Variants in BLTP1 observed in about 807,000 individuals in gnomAD.
The protein encoded by BLTP1 is fragile site-associated protein.
chr4:122,251,291 TG>T, the BLTP1 span: 1 of 979,142 alleles, frequency 1.0e-6, no homozygotes, highest in Non-Finnish European at 1.2e-6. Flanking sequence ...CTTAAACGTA[TG>T]TACATATATT....
the BLTP1 span, chr4:122,276,130 G>A: frequency 1.0e-6 from 1 of 991,034 alleles, no homozygotes; most frequent in Non-Finnish European, 1.4e-6. Flanking sequence ...TTATTGTTTT[G>A]TAGCTGTAAT....
At chr4:122,173,545 G>A in the BLTP1 span, among the ~76,000 whole-genome samples, 153 of 152,244 alleles carry the variant, frequency 1.0e-3, 3 homozygotes, top group East Asian at 0.027. Flanking sequence ...GTTAAAATGA[G>A]AATTAAGTTT....
At chr4:122,179,400 A>G in the BLTP1 span, among the ~76,000 whole-genome samples, 22 of 152,314 alleles carry the variant, frequency 1.4e-4, no homozygotes, top group African/African-American at 5.3e-4. Context: ...ACCTGCATTA[A>G]TAATATTCCA....
the BLTP1 span, chr4:122,341,627 A>T: frequency 1.1e-6 from 1 of 927,888 alleles, no homozygotes; most frequent in Non-Finnish European, 1.3e-6. Flanking sequence ...AATGAATAGC[A>T]CCCCTCATTT....
the BLTP1 span, chr4:122,325,715 T>C: frequency 1.2e-6 from 1 of 864,742 alleles, no homozygotes; most frequent in Middle Eastern, 3.5e-4. Context: ...GAAGATCAGC[T>C]TCAAAGTTGT....
the BLTP1 span, chr4:122,288,693 A>AATC: frequency 1.6e-4 from 40 of 255,506 alleles, no homozygotes; most frequent in African/African-American, 9.9e-4. Flanking sequence ...ATAAATAAAT[A>AATC]AATCTATTTT....
chr4:122,308,400 C>A, the BLTP1 span, among the ~76,000 whole-genome samples: 2 of 151,830 alleles, frequency 1.3e-5, no homozygotes, highest in African/African-American at 4.8e-5. Context: ...GATTGATACC[C>A]CCCAGATAAC....
chr4:122,263,525 A>G, the BLTP1 span: 7 of 1,613,360 alleles, frequency 4.3e-6, no homozygotes, highest in South Asian at 4.4e-5. Context: ...TTGGATGTCA[A>G]ATGCTGTGGG....
chr4:122,305,744 A>G, the BLTP1 span: 1 of 1,354,508 alleles, frequency 7.4e-7, no homozygotes, highest in Non-Finnish European at 9.7e-7. Context: ...AGTATAAGGA[A>G]TATACATTAA....
At chr4:122,268,673 T>C in the BLTP1 span, among the ~76,000 whole-genome samples, 1 of 152,202 alleles carries the variant, frequency 6.6e-6, no homozygotes. Context: ...TTAGTTTCTT[T>C]GCTGCATTTT....
chr4:122,248,482 T>C, the BLTP1 span, among the ~76,000 whole-genome samples: 3 of 152,080 alleles, frequency 2.0e-5, no homozygotes, highest in Non-Finnish European at 2.9e-5. Flanking sequence ...TAATATTTGT[T>C]ACCCTTATAG....
chr4:122,326,770 T>C, the BLTP1 span, among the ~76,000 whole-genome samples: 2 of 151,794 alleles, frequency 1.3e-5, no homozygotes, highest in African/African-American at 4.8e-5. Context: ...TTTCTAATCA[T>C]AAATTAGAAA....
At chr4:122,271,976 T>C in the BLTP1 span, 2 of 311,366 alleles carry the variant, frequency 6.4e-6, no homozygotes, top group Non-Finnish European at 9.4e-6. Flanking sequence ...TATCTGGCTC[T>C]ACTATTCACT....
the BLTP1 span, chr4:122,254,946 A>G: frequency 6.2e-7 from 1 of 1,607,282 alleles, no homozygotes; most frequent in South Asian, 1.1e-5. Context: ...TAATGACAGA[A>G]GCATTAGAGG....
chr4:122,210,872 CTTAAT>C, the BLTP1 span: 1 of 1,568,102 alleles, frequency 6.4e-7, no homozygotes, highest in African/African-American at 1.4e-5. Flanking sequence ...TCTTTTTTTT[CTTAAT>C]TTATTACAGT....
chr4:122,154,113 GTAAGTATTTTTGGC>G, the BLTP1 span: 3 of 978,656 alleles, frequency 3.1e-6, no homozygotes, highest in Non-Finnish European at 3.6e-6. Flanking sequence ...AAAAACTTGG[GTAAGTATTTTTGGC>G]TAAGTTTTAA....
At chr4:122,330,984 T>A in the BLTP1 span, 13 of 975,534 alleles carry the variant, frequency 1.3e-5, no homozygotes, top group African/African-American at 1.8e-5. Flanking sequence ...TTCCTTGTTG[T>A]TCTGTCTTTA....
the BLTP1 span, among the ~76,000 whole-genome samples, chr4:122,163,004 T>TTAACTCTCTG: frequency 6.6e-6 from 1 of 152,204 alleles, no homozygotes; most frequent in Non-Finnish European, 1.5e-5. Flanking sequence ...TTAAATATTG[T>TTAACTCTCTG]GCGCCTTCAG....
At chr4:122,251,763 TTTC>T in the BLTP1 span, 6 of 244,020 alleles carry the variant, frequency 2.5e-5, no homozygotes, top group East Asian at 9.0e-4. Context: ...TATGGAATTT[TTTC>T]TTCTTCTTAA....
Sources: gnomAD v4.1 joint callset for allele counts (sites outside exome capture counted in the v4.1 genomes callset) on GRCh38, gnomAD v4.1.1 for gene constraint, MANE v1.5 for transcripts, NCBI Gene and HGNC (gene_info 2026-07-23, HGNC 2026-07-21) for gene names.